Variants in SEPSECS observed in about 807,000 individuals in gnomAD.
SEPSECS encodes the protein Sep (O-phosphoserine) tRNA:Sec (selenocysteine) tRNA synthase, also known as O-phosphoseryl-tRNA(Sec) selenium transferase.
In SEPSECS, 42 loss-of-function variants were observed where a neutral mutation model predicts 52.1. The observed-to-expected ratio is 0.81, with a 90% CI of 0.63 to 1.04. The LOEUF is 1.04. SEPSECS is among the 50% of genes least tolerant of loss of function. The pLI is 0.00. For missense variants in SEPSECS, 590 were observed against 610.6 expected (o/e 0.97, Z 0.36); for synonymous variants, 216 against 211.4 (o/e 1.02, Z -0.19).
chr4:25,159,932 G>C (rs1369453894), intron 1 of SEPSECS: 1 of 985,268 alleles, frequency 1.0e-6, no homozygotes, highest in Non-Finnish European at 1.2e-6. Context: ...GTGAAAGATG[G>C]AGGTGCGAAC....
chr4:25,146,404 A>C (rs1466124882), intron 6 of SEPSECS, among the ~76,000 whole-genome samples: 1 of 152,194 alleles, frequency 6.6e-6, no homozygotes, highest in East Asian at 1.9e-4. Flanking sequence ...TAATTTCCTA[A>C]TAAACCATGA....
chr4:25,144,644 T>C (rs1711843849), intron 8 of SEPSECS, 130 bp downstream of exon 8: 5 of 694,138 alleles, frequency 7.2e-6, no homozygotes, highest in South Asian at 6.8e-5. Context: ...GTTCCAGATC[T>C]GAATAAATAC....
chr4:25,147,724 A>G (rs1447131686), intron 6 of SEPSECS, among the ~76,000 whole-genome samples: 1 of 152,214 alleles, frequency 6.6e-6, no homozygotes, highest in African/African-American at 2.4e-5. Context: ...CTATATGCTC[A>G]GCCTTAAGTC....
In SEPSECS at chr4:25,151,959, C is replaced by A; in HGVS notation, c.804+1G>T. 2 of 1,480,838 alleles carry A rather than the reference C, an allele frequency of 1.4e-6. No individual in the cohort carries two copies. Among genetic ancestry groups the A allele is most frequent in the Non-Finnish European group, 1.9e-6 (2 of 1,058,886 alleles). 91.7% of individuals were successfully genotyped at this position (1,480,838 alleles called of 1,614,324 possible). On this transcript the variant is annotated splice_donor_variant, in intron 6 of 10. Transcript: ENST00000382103. LOFTEE classifies it high-confidence loss of function. ...ATACATATCATTTTAAACTCTCTTA[C>A]CTGCTGAATGAGATGCATACACTTT...
At chr4:25,129,686 T>G (rs957514007) in intron 8 of SEPSECS, among the ~76,000 whole-genome samples, 1 of 151,950 alleles carries the variant, frequency 6.6e-6, no homozygotes, top group Admixed American at 6.6e-5. Context: ...TGGTCCCTCT[T>G]TCTTAACCCA....
rs777651628 is a variant in SEPSECS at position 25,122,497 on chromosome 4, T to A, written c.*1434A>T. ...TAACAAATATTTCACTTTAAAAAAATGAGTTTCTCTTTGGATAAGGATATA... is the reference window on the plus strand; with the variant it reads ...TAACAAATATTTCACTTTAAAAAAAAGAGTTTCTCTTTGGATAAGGATATA... On this transcript the variant is annotated 3_prime_UTR_variant, in exon 11 of 11. Coordinates refer to ENST00000382103, the MANE Select transcript of SEPSECS (RefSeq NM_016955.4). 12 of 152,226 alleles carry A rather than the reference T, an allele frequency of 7.9e-5. No homozygotes were observed. The highest frequency in any genetic ancestry group is 1.2e-4 in the Non-Finnish European group (8 of 68,020). 9.4% of individuals were successfully genotyped at this position (152,226 alleles called of 1,614,324 possible).
chr4:25,123,972 C>T lies in SEPSECS; in HGVS notation c.1465G>A (p.Asp489Asn), dbSNP rs555804311. The T allele has an allele frequency of 6.2e-6, 10 of 1,613,458 alleles. No individual in the cohort carries two copies. Among genetic ancestry groups the T allele is most frequent in the Middle Eastern group, 1.6e-4 (1 of 6,080 alleles). Residue 489 changes from aspartate (D) to asparagine (N), a missense_variant, in exon 11 of 11, where the codon GAT becomes AAT. By Grantham distance (23) the Asp-to-Asn change is conservative. Transcript: ENST00000382103. ...TGGTATGTGTCAAGAAGTACATTAT[C>T]TAGTTTTAAAGCCATTTCTTCAATA... The part of the protein sequence containing the change: ...VDIEEMALKL[D>N]NVLLDTYQDA...
chr4:25,158,499 AAC>A (rs1456641420), intron 2 of SEPSECS, among the ~76,000 whole-genome samples: 1 of 152,226 alleles, frequency 6.6e-6, no homozygotes, highest in Non-Finnish European at 1.5e-5. Flanking sequence ...TATCTATTGC[AAC>A]AGAGGTATTT....
At chr4:25,152,213 A>G in intron 5 of SEPSECS, 151 bp from the exon 6 acceptor site, 1 of 608,554 alleles carries the variant, frequency 1.6e-6, no homozygotes, top group Non-Finnish European at 3.0e-6. Context: ...CAGTATTTTG[A>G]CATGTAATTC....
chr4:25,127,299 C>A lies in SEPSECS; in HGVS notation c.1085G>T (p.Arg362Ile). ...GGGATTGTGAGGTGTATGCAACAGT[C>A]TTTCATTGTAGGCTTCTGACAACTT... Reference protein sequence around the residue: ...IKKLSEAYNERLLHTPHNPIS... With the variant: ...IKKLSEAYNEILLHTPHNPIS... Residue 362 changes from arginine (R) to isoleucine (I), a missense_variant, in exon 9 of 11, where the codon AGA becomes ATA. By Grantham distance (97) the Arg-to-Ile change is moderately conservative (BLOSUM62 -3). Coordinates refer to ENST00000382103, the MANE Select transcript of SEPSECS (RefSeq NM_016955.4). 8 of 1,613,256 alleles carry A rather than the reference C, an allele frequency of 5.0e-6. No individual in the cohort carries two copies. Among genetic ancestry groups the A allele is most frequent in the Non-Finnish European group, 5.9e-6 (7 of 1,179,528 alleles).
At chr4:25,153,696 A>G (rs1029975511) in intron 5 of SEPSECS, among the ~76,000 whole-genome samples, 1 of 152,016 alleles carries the variant, frequency 6.6e-6, no homozygotes, top group African/African-American at 2.4e-5. Context: ...AAAAAACAAA[A>G]TGTGGTTTTA....
At chr4:25,144,167 C>T (rs185094193) in intron 8 of SEPSECS, among the ~76,000 whole-genome samples, 4 of 151,642 alleles carry the variant, frequency 2.6e-5, no homozygotes, top group African/African-American at 7.3e-5. Context: ...AGTGAAACCC[C>T]GTCTCTACTA....
chr4:25,131,912 G>A (rs1408167294), intron 8 of SEPSECS, among the ~76,000 whole-genome samples: 2 of 152,250 alleles, frequency 1.3e-5, no homozygotes, highest in East Asian at 3.8e-4. Context: ...CAAAACAGAA[G>A]TGAGGATAAA....
Position 25,144,834 on chromosome 4 carries a change from G to A in SEPSECS, c.966C>T (p.Val322=). The change falls in exon 8 of 11, where the codon GTC becomes GTT. Residue 322 remains valine (V), a synonymous_variant. Transcript: ENST00000382103. ...ATCCAAGTGACAATAAAGTAATAAG[G>A]ACATCTAAAGAAGGTGAAGCTGAAG... ...GRASASPSLD[V]LITLLSLGSN... 3.1e-6 allele frequency: 5 copies of A among 1,613,076 alleles called. No individual in the cohort carries two copies. Among genetic ancestry groups the A allele is most frequent in the Non-Finnish European group, 4.2e-6 (5 of 1,179,314 alleles).
At chr4:25,153,320 A>T (rs2109030502) in intron 5 of SEPSECS, among the ~76,000 whole-genome samples, 1 of 151,908 alleles carries the variant, frequency 6.6e-6, no homozygotes, top group South Asian at 2.1e-4. Context: ...TTAATAAATA[A>T]TTTCTTTGAA....
chr4:25,145,948 T>C (rs1711937507), intron 6 of SEPSECS, among the ~76,000 whole-genome samples: 2 of 152,236 alleles, frequency 1.3e-5, no homozygotes, highest in Non-Finnish European at 1.5e-5. Context: ...TGCTCCCTAA[T>C]ATTATAAACT....
intron 6 of SEPSECS, among the ~76,000 whole-genome samples, chr4:25,148,258 C>T (rs1186922224): frequency 6.8e-6 from 1 of 147,822 alleles, no homozygotes; most frequent in Non-Finnish European, 1.5e-5. Context: ...GAGGCTGAGG[C>T]AGGAGAATGG....
At chr4:25,143,029 A>C (rs746017049) in intron 8 of SEPSECS, among the ~76,000 whole-genome samples, 24 of 152,226 alleles carry the variant, frequency 1.6e-4, no homozygotes, top group Non-Finnish European at 2.9e-4. Flanking sequence ...GCAGATGACA[A>C]GTTTTCCTCA....
intron 3 of SEPSECS, among the ~76,000 whole-genome samples, chr4:25,156,470 C>G (rs527483000): frequency 1.0e-3 from 156 of 151,636 alleles, no homozygotes; most frequent in Middle Eastern, 3.4e-3. Flanking sequence ...TTTGGGAGGC[C>G]AAGGCGGGCG....
Sources: allele counts gnomAD v4.1 joint callset (sites outside exome capture counted in the v4.1 genomes callset), GRCh38; gene constraint gnomAD v4.1.1; transcripts MANE v1.5; gene names NCBI Gene and HGNC (gene_info 2026-07-23, HGNC 2026-07-21).